Variants in SI observed in about 807,000 individuals in gnomAD.
The protein encoded by SI is sucrase-isomaltase.
A neutral mutation model predicts 253.3 loss-of-function variants in SI; 235 were observed. The observed-to-expected ratio is 0.93, with a 90% CI of 0.83 to 1.03. The LOEUF (loss-of-function observed/expected upper bound fraction) is 1.03, where lower values mean the gene tolerates loss of function less well. Among genes scored for constraint, SI ranks in the 50% least tolerant of loss-of-function variants. The pLI is 0.00. For synonymous variants in SI, 819 were observed against 712.0 expected (o/e 1.15, Z -2.39); for missense variants, 2,442 against 2,211.1 (o/e 1.10, Z -2.09).
rs1377967181 is a variant in SI at position 165,069,325 on chromosome 3, T to C, written c.256-130A>G. On this transcript the variant is annotated intron_variant, in intron 3 of 47. Coordinates refer to ENST00000264382, the MANE Select transcript of SI (RefSeq NM_001041.4). ...AAATGTATAATATGCCAAAATAGCA[T>C]TTGCTCTTTTGTTTCTTCTACCTGG... The C allele has an allele frequency of 5.9e-6, 4 of 676,092 alleles. No homozygotes were observed. In the South Asian group the frequency reaches 7.3e-5, roughly 12 times the overall value. The allele number at this position is 676,092 out of a possible 1,614,324, so 41.9% of individuals were successfully genotyped here.
At chr3:165,055,780 A>C (rs2108243203) in intron 12 of SI, among the ~76,000 whole-genome samples, 1 of 152,236 alleles carries the variant, frequency 6.6e-6, no homozygotes, top group Admixed American at 6.5e-5. Flanking sequence ...GTACTTTCAT[A>C]ATTACTAACA....
At chr3:164,989,259 C>T (rs1423240040) in intron 44 of SI, among the ~76,000 whole-genome samples, 11 of 150,494 alleles carry the variant, frequency 7.3e-5, no homozygotes, top group Non-Finnish European at 1.3e-4. Context: ...GCAGGGGAAT[C>T]GCTGGAACCC....
At chr3:164,996,845 TATG>T (rs1195467966) in intron 38 of SI, 73 bp from the exon 39 acceptor site, 2 of 747,440 alleles carry the variant, frequency 2.7e-6, no homozygotes, top group Non-Finnish European at 4.1e-6. Context: ...TATTTCTATT[TATG>T]ATGATGTTCT....
intron 38 of SI, among the ~76,000 whole-genome samples, chr3:164,997,171 G>GA (rs1718048391): frequency 1.3e-5 from 2 of 151,496 alleles, no homozygotes; most frequent in Non-Finnish European, 3.0e-5. Context: ...TCTATCATTT[G>GA]AAAAAAACTG....
chr3:164,984,418 A>T (rs1210525896), intron 45 of SI, among the ~76,000 whole-genome samples: 2 of 152,130 alleles, frequency 1.3e-5, no homozygotes, highest in East Asian at 3.9e-4. Context: ...ATTAGTGTCA[A>T]TATTCCTTAA....
intron 16 of SI, among the ~76,000 whole-genome samples, chr3:165,046,433 G>C (rs1016900554): frequency 6.6e-6 from 1 of 151,260 alleles, no homozygotes; most frequent in Non-Finnish European, 1.5e-5. Context: ...TATATATATT[G>C]TAAACAAAAG....
rs766865845 is a variant in SI, at chr3:165,019,734, G to T, written c.3291C>A (p.Asp1097Glu). ...GGCGAGTCGATATTTGAATGAACTG[G>T]TCATTAAAAGCAAATCCAGGCAGCC... ...DSWLPGFAFN[D>E]QFIQISTRLP... Residue 1097 changes from aspartate (D) to glutamate (E), a missense_variant, in exon 28 of 48, where the codon GAC becomes GAA. Transcript: ENST00000264382. 2 of 1,612,404 alleles carry T rather than the reference G, an allele frequency of 1.2e-6. No homozygotes were observed.
At chr3:165,013,820 T>TA (rs938895924) in intron 33 of SI, among the ~76,000 whole-genome samples, 15 of 151,438 alleles carry the variant, frequency 9.9e-5, no homozygotes, top group African/African-American at 1.5e-4. Flanking sequence ...AGTAGGAAGT[T>TA]AAAAAAAAAC....
At chr3:165,048,582 T>TAG (rs773093036) in intron 15 of SI, among the ~76,000 whole-genome samples, 2,908 of 111,568 alleles carry the variant, frequency 0.026, 56 homozygotes, top group East Asian at 0.1. Flanking sequence ...TATATATATA[T>TAG]ATAGAGAGAG....
At position 165,006,960 on chromosome 3, in the gene SI, A is replaced by G. The variant is rs1197447047; in HGVS notation, c.4268-6T>C. Reference sequence around the variant, plus strand: ...ATCAGTTCTTTTTGTGAGTTCTGGAAAGAATCAATGAAAAAATATTAATAT... The same window carrying G: ...ATCAGTTCTTTTTGTGAGTTCTGGAGAGAATCAATGAAAAAATATTAATAT... On this transcript the variant is annotated splice_polypyrimidine_tract_variant and splice_region_variant and intron_variant, in intron 36 of 47. Transcript: ENST00000264382. 1 of 1,594,130 alleles carries G rather than the reference A, an allele frequency of 6.3e-7. No individual in the cohort carries two copies. The highest frequency in any genetic ancestry group is 8.6e-7 in the Non-Finnish European group (1 of 1,164,510).
chr3:165,015,664 A>G (rs1718987883), intron 32 of SI, among the ~76,000 whole-genome samples: 1 of 152,140 alleles, frequency 6.6e-6, no homozygotes, highest in Admixed American at 6.6e-5. Flanking sequence ...TTACATTTTG[A>G]TAACTCCCAT....
intron 40 of SI, 86 bp from the exon 41 acceptor site, chr3:164,994,491 G>A (rs1241550028): frequency 7.2e-7 from 1 of 1,390,150 alleles, no homozygotes; most frequent in African/African-American, 1.4e-5. Context: ...GAACTAAAAA[G>A]TAAGACATGA....
chr3:165,049,385 A>T (rs1281866774), intron 14 of SI, 141 bp from the exon 15 acceptor site: 2 of 629,006 alleles, frequency 3.2e-6, no homozygotes, highest in Non-Finnish European at 5.6e-6. Context: ...AGGACAATCC[A>T]ATTAAACCTA....
chr3:164,999,245 A>G (rs1206870533), intron 37 of SI, among the ~76,000 whole-genome samples: 1 of 151,810 alleles, frequency 6.6e-6, no homozygotes, highest in African/African-American at 2.4e-5. Flanking sequence ...GGTTGTGTAA[A>G]TGAAATCATA....
intron 44 of SI, among the ~76,000 whole-genome samples, chr3:164,990,051 C>A (rs1299861322): frequency 1.3e-5 from 2 of 152,022 alleles, no homozygotes; most frequent in Non-Finnish European, 2.9e-5. Context: ...CAACAGTGAA[C>A]CCTAATGTAA....
chr3:165,061,279 T>TA (rs1713972503), intron 9 of SI, among the ~76,000 whole-genome samples: 1 of 151,988 alleles, frequency 6.6e-6, no homozygotes, highest in African/African-American at 2.4e-5. Flanking sequence ...TATGCCAACT[T>TA]ATGTTTGACA....
intron 44 of SI, 21 bp downstream of exon 44, chr3:164,991,332 C>G: frequency 6.2e-7 from 1 of 1,613,522 alleles, no homozygotes; most frequent in Non-Finnish European, 8.5e-7. Context: ...TTAACCTGAG[C>G]TTTGTAAACA....
the SI span, among the ~76,000 whole-genome samples, chr3:165,086,249 C>T: frequency 3.3e-5 from 5 of 151,526 alleles, no homozygotes; most frequent in South Asian, 2.1e-4. Context: ...AGCAAGACTC[C>T]GTCTCAAAAA....
intron 3 of SI, among the ~76,000 whole-genome samples, chr3:165,070,360 A>G (rs62280367): frequency 0.1 from 12,662 of 121,344 alleles, 609 homozygotes; most frequent in Middle Eastern, 0.13. Context: ...ATATATATAT[A>G]TATATGTGTG....
Sources: allele counts gnomAD v4.1 joint callset (sites outside exome capture counted in the v4.1 genomes callset), GRCh38; gene constraint gnomAD v4.1.1; transcripts MANE v1.5; gene names NCBI Gene and HGNC (gene_info 2026-07-23, HGNC 2026-07-21).